SFMBT2: variants seen among roughly 807,000 people sequenced by gnomAD.
SFMBT2 encodes the protein scm-like with four MBT domains protein 2.
Under a neutral mutation model 110.1 loss-of-function variants are expected in SFMBT2, and 38 were observed. The ratio of observed to expected loss-of-function variants is 0.35; its 90% CI spans 0.27 to 0.45. The LOEUF (loss-of-function observed/expected upper bound fraction) is 0.45. Among genes scored for constraint, SFMBT2 ranks in the 20% least tolerant of loss-of-function variants. The pLI is 1.00. For missense variants in SFMBT2, 1,011 were observed against 1,094.9 expected (o/e 0.92, Z 1.08); for synonymous variants, 425 against 425.4 (o/e 1.00, Z 0.01).
intron 20 of SFMBT2, among the ~76,000 whole-genome samples, chr10:7,164,746 AACACAC>A (rs58744416): frequency 0.25 from 34,697 of 137,612 alleles, 4,170 homozygotes; most frequent in South Asian, 0.36. Context: ...CATAAAGGGA[AACACAC>A]ACACACACAC....
At chr10:7,209,169 C>T (rs1225448494) in intron 11 of SFMBT2, among the ~76,000 whole-genome samples, 1 of 152,106 alleles carries the variant, frequency 6.6e-6, no homozygotes, top group East Asian at 1.9e-4. Flanking sequence ...GACAGGAGAC[C>T]CAATAGCATG....
Position 7,172,141 on chromosome 10 carries a change from GTCC to G in SFMBT2, c.2166_2168del (p.Glu722del), listed in dbSNP as rs1837895606. ...CGGTGTCATCGTCCATGGCGTCAGC[GTCC>G]TCCTCTTCACTTTCCTGGGAAGGAG... On this transcript the variant is annotated inframe_deletion, in exon 19 of 21. Transcript: ENST00000397167. This position sits in a 1 kb window ranked among gnomAD's most constrained non-coding sequence, Gnocchi z 4.6. The G allele has an allele frequency of 6.4e-7, 1 of 1,561,038 alleles. No individual in the cohort carries two copies. Among genetic ancestry groups the G allele is most frequent in the Non-Finnish European group, 8.7e-7 (1 of 1,152,452 alleles).
At chr10:7,395,450 G>A (rs1017142420) in intron 1 of SFMBT2, among the ~76,000 whole-genome samples, 1 of 152,256 alleles carries the variant, frequency 6.6e-6, no homozygotes, top group Non-Finnish European at 1.5e-5. Flanking sequence ...CACCCTAGTG[G>A]TGAGTGACTT....
At chr10:7,231,535 C>G (rs962002197) in intron 9 of SFMBT2, among the ~76,000 whole-genome samples, 16 of 152,196 alleles carry the variant, frequency 1.1e-4, no homozygotes, top group African/African-American at 3.9e-4. Context: ...TGAGCTTCAA[C>G]CCACTCTCTA....
At chr10:7,358,427 C>A (rs1262686552) in intron 4 of SFMBT2, among the ~76,000 whole-genome samples, 1 of 151,894 alleles carries the variant, frequency 6.6e-6, no homozygotes, top group Non-Finnish European at 1.5e-5. Flanking sequence ...CCTAGAACAT[C>A]TGCATGGCCC....
At chr10:7,257,123 G>GAGGGGAGGGGAGGGGAGGGTAAAGA (rs1288833965) in intron 7 of SFMBT2, among the ~76,000 whole-genome samples, 1 of 129,332 alleles carries the variant, frequency 7.7e-6, no homozygotes, top group Non-Finnish European at 1.8e-5. Context: ...GAGGGGAGGG[G>GAGGGGAGGGGAGGGGAGGGTAAAGA]AAAGAAAAGA....
At chr10:7,363,593 G>A (rs559080868) in intron 4 of SFMBT2, among the ~76,000 whole-genome samples, 7 of 152,200 alleles carry the variant, frequency 4.6e-5, no homozygotes, top group African/African-American at 7.2e-5. Flanking sequence ...TGATCCGCCC[G>A]CATCGGCCTC....
intron 8 of SFMBT2, among the ~76,000 whole-genome samples, chr10:7,244,828 A>G (rs1485495039): frequency 1.3e-5 from 2 of 152,178 alleles, no homozygotes; most frequent in African/African-American, 4.8e-5. Flanking sequence ...TGCCTGTGCT[A>G]ATTTTGGTAA....
At chr10:7,226,278 C>T (rs1276718272) in intron 10 of SFMBT2, among the ~76,000 whole-genome samples, 3 of 152,216 alleles carry the variant, frequency 2.0e-5, no homozygotes, top group African/African-American at 7.2e-5. Context: ...ATAGAAGGAT[C>T]CTTGATTTCC....
At chr10:7,364,133 G>A (rs1844815275) in intron 4 of SFMBT2, among the ~76,000 whole-genome samples, 1 of 152,156 alleles carries the variant, frequency 6.6e-6, no homozygotes, top group Admixed American at 6.5e-5. Flanking sequence ...GTCCTACAGC[G>A]ATCAATAAAA....
chr10:7,334,815 A>G (rs903224343), intron 4 of SFMBT2, among the ~76,000 whole-genome samples: 2 of 152,146 alleles, frequency 1.3e-5, no homozygotes, highest in East Asian at 1.9e-4. Context: ...TAACCTCCCT[A>G]CGGAGCTGAG....
At chr10:7,393,095 T>G (rs1845827741) in intron 1 of SFMBT2, among the ~76,000 whole-genome samples, 1 of 147,414 alleles carries the variant, frequency 6.8e-6, no homozygotes, top group South Asian at 2.2e-4. Context: ...TGCAGTGGTG[T>G]GATCTCAGCT....
chr10:7,308,002 G>T (rs1842744563), intron 4 of SFMBT2, among the ~76,000 whole-genome samples: 1 of 152,114 alleles, frequency 6.6e-6, no homozygotes. Context: ...GTTTAGGGAA[G>T]AATTCTCAAA....
rs1202459440 is a variant in SFMBT2 at position 7,172,112 on chromosome 10, C to T, written c.2198G>A (p.Ser733Asn). ...DADAMDDDTA[S>N]EETGSELRDD... ...CCGGAGCTCGGAGCCGGTCTCCTCA[C>T]TGGCGGTGTCATCGTCCATGGCGTC... Residue 733 changes from serine (S) to asparagine (N), a missense_variant, in exon 19 of 21, where the codon AGT becomes AAT. By Grantham distance (46) the Ser-to-Asn change is conservative. Transcript: ENST00000397167. The surrounding 1 kb of genome is among the most constrained non-coding windows in gnomAD (Gnocchi z 4.6). 6.3e-7 allele frequency: 1 copy of T among 1,591,030 alleles called. No homozygotes were observed. Among genetic ancestry groups the T allele is most frequent in the Admixed American group, 1.8e-5 (1 of 55,460 alleles).
chr10:7,336,795 T>A (rs1287392228), intron 4 of SFMBT2, among the ~76,000 whole-genome samples: 1 of 152,154 alleles, frequency 6.6e-6, no homozygotes, highest in Non-Finnish European at 1.5e-5. Context: ...GAAAGGCCAC[T>A]GAGTTTCACA....
chr10:7,200,201 A>G (rs1838908072), intron 14 of SFMBT2, among the ~76,000 whole-genome samples: 1 of 152,244 alleles, frequency 6.6e-6, no homozygotes. Context: ...ATCTAGAGCT[A>G]CTGGCCAAGA....
At chr10:7,175,605 A>C (rs1838029887) in intron 17 of SFMBT2, among the ~76,000 whole-genome samples, 1 of 152,228 alleles carries the variant, frequency 6.6e-6, no homozygotes, top group Non-Finnish European at 1.5e-5. Flanking sequence ...GCATCATTAC[A>C]CTATCCCAGA....
intron 4 of SFMBT2, among the ~76,000 whole-genome samples, chr10:7,359,021 C>T (rs1844621977): frequency 6.6e-6 from 1 of 152,206 alleles, no homozygotes; most frequent in Non-Finnish European, 1.5e-5. Context: ...AGAAGCTCCC[C>T]AGTCCAACAA....
intron 1 of SFMBT2, among the ~76,000 whole-genome samples, chr10:7,403,690 AC>A (rs1846142732): frequency 6.6e-6 from 1 of 152,198 alleles, no homozygotes; most frequent in Admixed American, 6.5e-5. Flanking sequence ...CAAGTATCTC[AC>A]ATACAGTAGT....
Sources: allele counts gnomAD v4.1 joint callset (sites outside exome capture counted in the v4.1 genomes callset), GRCh38; gene constraint gnomAD v4.1.1; non-coding constraint Gnocchi (gnomAD v3.1); transcripts MANE v1.5; gene names NCBI Gene and HGNC (gene_info 2026-07-23, HGNC 2026-07-21).